The following DDX60L variants were observed in gnomAD, a reference collection of about 807,000 sequenced individuals.
The protein encoded by DDX60L is probable ATP-dependent RNA helicase DDX60-like.
Under a neutral mutation model 211.6 loss-of-function variants are expected in DDX60L, and 191 were observed. The observed-to-expected ratio is 0.90, with a 90% CI of 0.80 to 1.02. The LOEUF is 1.02. Among genes scored for constraint, DDX60L ranks in the 50% least tolerant of loss-of-function variants. DDX60L has a pLI of 0.00. For missense variants in DDX60L, 2,007 were observed against 1,984.1 expected, an observed-to-expected ratio of 1.01 and a Z score of -0.22; for synonymous variants, 706 against 694.1, an observed-to-expected ratio of 1.02 and a Z score of -0.27.
intron 26 of DDX60L, among the ~76,000 whole-genome samples, chr4:168,398,928 CACTTGATGGGATT>C (rs1270615345): frequency 3.3e-5 from 5 of 151,244 alleles, no homozygotes; most frequent in Non-Finnish European, 7.4e-5. Context: ...GAGAGCTAAG[CACTTGATGGGATT>C]ACCTGCCTGC....
intron 32 of DDX60L, 116 bp downstream of exon 32, chr4:168,379,247 T>C: frequency 2.2e-6 from 2 of 921,854 alleles, no homozygotes; most frequent in Non-Finnish European, 3.1e-6. Flanking sequence ...ATATACTTAG[T>C]ATTTATTTGC....
chr4:168,369,157 C>T (rs1385765311), intron 36 of DDX60L, among the ~76,000 whole-genome samples: 1 of 152,124 alleles, frequency 6.6e-6, no homozygotes, highest in African/African-American at 2.4e-5. Flanking sequence ...CAAATCTTAT[C>T]TTGAATTGTA....
intron 9 of DDX60L, 59 bp from the exon 10 acceptor site, chr4:168,441,551 G>A (rs1169918208): frequency 7.3e-7 from 1 of 1,367,314 alleles, no homozygotes; most frequent in African/African-American, 1.5e-5. Context: ...GACACACACA[G>A]AGCATCTTTT....
chr4:168,371,564 G>GAT, intron 36 of DDX60L, 48 bp downstream of exon 36: 1 of 1,039,422 alleles, frequency 9.6e-7, no homozygotes, highest in Non-Finnish European at 1.4e-6. Flanking sequence ...ATAAAACATA[G>GAT]ATATATATGT....
Position 168,471,855 on chromosome 4 carries a change from A to T in DDX60L, c.156T>A (p.Gly52=). The T allele has an allele frequency of 6.2e-7, 1 of 1,613,744 alleles. No homozygotes were observed. Among genetic ancestry groups the T allele is most frequent in the Non-Finnish European group, 8.5e-7 (1 of 1,179,868 alleles). ...TCTGTCCCCACTTGAATGATTTTAC[A>T]CCCAGGCATGTGACAAGCAAGGAAT... is the stretch of plus-strand genomic sequence containing the variant. ...DGDSLLVTCL[G]VKSFKWGQNL... The change falls in exon 4 of 38, where the codon GGT becomes GGA. Residue 52 remains glycine (G), a synonymous_variant. Coordinates refer to ENST00000682922, the MANE Select transcript of DDX60L (RefSeq NM_001012967.3).
chr4:168,467,504 T>C (rs1342095605), intron 4 of DDX60L, among the ~76,000 whole-genome samples: 2 of 148,342 alleles, frequency 1.3e-5, no homozygotes, highest in African/African-American at 4.9e-5. Flanking sequence ...TACAAATCTT[T>C]AGGCAATAAG....
intron 36 of DDX60L, among the ~76,000 whole-genome samples, chr4:168,367,305 C>A (rs894111664): frequency 1.3e-5 from 2 of 152,156 alleles, no homozygotes; most frequent in East Asian, 3.9e-4. Context: ...GTCTTTTCTG[C>A]ACTGTTCTTC....
intron 8 of DDX60L, 76 bp downstream of exon 8, chr4:168,453,048 A>G (rs1267456989): frequency 5.7e-6 from 8 of 1,392,708 alleles, no homozygotes; most frequent in African/African-American, 4.4e-5. Flanking sequence ...CATTATTCCA[A>G]TATAACTCTA....
chr4:168,427,371 A>G (rs370517150), intron 13 of DDX60L, 49 bp from the exon 14 acceptor site: 29 of 1,575,226 alleles, frequency 1.8e-5, no homozygotes, highest in Non-Finnish European at 2.5e-5. Context: ...AAATTCCATT[A>G]TGACATTTCA....
At chr4:168,404,777 A>T (rs1166233750) in intron 24 of DDX60L, among the ~76,000 whole-genome samples, 1 of 152,194 alleles carries the variant, frequency 6.6e-6, no homozygotes, top group Non-Finnish European at 1.5e-5. Context: ...TTACATCAGG[A>T]AAATTAACAT....
chr4:168,431,653 G>A (rs1752375313), intron 12 of DDX60L, among the ~76,000 whole-genome samples: 1 of 151,960 alleles, frequency 6.6e-6, no homozygotes, highest in South Asian at 2.1e-4. Flanking sequence ...GTATACATAT[G>A]TAACTAACCT....
At position 168,462,630 on chromosome 4, in the gene DDX60L, T is replaced by C. The variant is rs532207072; in HGVS notation, c.265-590A>G. On this transcript the variant is annotated intron_variant, in intron 4 of 37. Coordinates refer to ENST00000682922, the MANE Select transcript of DDX60L (RefSeq NM_001012967.3). ...GAGGACGAGACCAGTCTGGCCAACA[T>C]GGTGAAACCCTGTTTCTACTAAAAA... Among the ~76,000 whole-genome samples, 155 of 152,208 alleles carry C rather than the reference T, an allele frequency of 1.0e-3. No homozygotes were observed. In the Middle Eastern group the frequency reaches 0.014, roughly 13 times the overall value.
In DDX60L at chr4:168,379,747, G is replaced by A; in HGVS notation, c.4200C>T (p.Ser1400=). The change falls in exon 31 of 38, where the codon TCC becomes TCT. Residue 1400 remains serine, a synonymous_variant. Coordinates refer to ENST00000682922, the MANE Select transcript of DDX60L (RefSeq NM_001012967.3). ...ATACCTCTTTGATAAGGAGCTGCAA[G>A]GAAAACAAAAAGTAAAGTTTCAAAG... is the stretch of plus-strand genomic sequence containing the variant. The part of the protein sequence containing the change: ...METLKLYFLF[S]LQLLIKEDYL... 6.2e-7 allele frequency: 1 copy of A among 1,612,830 alleles called. No homozygotes were observed. Among genetic ancestry groups the A allele is most frequent in the Non-Finnish European group, 8.5e-7 (1 of 1,179,302 alleles).
At chr4:168,468,774 T>C in intron 4 of DDX60L, 1 of 152,202 alleles carries the variant, frequency 6.6e-6, no homozygotes, top group East Asian at 1.9e-4. Flanking sequence ...TTTAATAAGA[T>C]TGCAGGATAC....
chr4:168,472,677 A>G lies in DDX60L; in HGVS notation c.4+19T>C, dbSNP rs765077613. On this transcript the variant is annotated intron_variant, in intron 2 of 37. Transcript: ENST00000682922. ...GATTGTTGCTTTATAGGCTACAAAT[A>G]TCAAAGATTGAGAATTACCCATCGT... is the stretch of plus-strand genomic sequence containing the variant. 2 of 1,613,352 alleles carry G rather than the reference A, an allele frequency of 1.2e-6. No individual in the cohort carries two copies. Among genetic ancestry groups the G allele is most frequent in the Non-Finnish European group, 1.7e-6 (2 of 1,179,544 alleles).
At position 168,427,281 on chromosome 4, in the gene DDX60L, CTTT is replaced by C. The variant is rs752822757; in HGVS notation, c.1716_1718del (p.Lys573del). On this transcript the variant is annotated inframe_deletion, in exon 14 of 38. Transcript: ENST00000682922. ...TGTTCTGATCTTCTTTGAGAAATGA[CTTT>C]TTCTTACTCTTTTTGGTAATTTGGT... 4.6e-5 allele frequency: 74 copies of C among 1,613,628 alleles called. No individual in the cohort carries two copies. The African/African-American group carries it at 7.3e-4, about 16-fold the overall frequency.
intron 18 of DDX60L, 103 bp from the exon 19 acceptor site, chr4:168,419,500 T>G: frequency 1.5e-6 from 1 of 668,118 alleles, no homozygotes; most frequent in Middle Eastern, 2.8e-4. Context: ...GATAGCAGTT[T>G]CATTAAGATA....
intron 22 of DDX60L, among the ~76,000 whole-genome samples, chr4:168,410,462 T>C (rs767396922): frequency 1.1e-4 from 17 of 152,184 alleles, no homozygotes; most frequent in Non-Finnish European, 2.1e-4. Flanking sequence ...GGCTACAAAG[T>C]CTGAAATTTA....
intron 36 of DDX60L, among the ~76,000 whole-genome samples, chr4:168,365,106 T>G (rs1391373881): frequency 6.6e-6 from 1 of 152,022 alleles, no homozygotes; most frequent in Non-Finnish European, 1.5e-5. Flanking sequence ...AACCAAATGA[T>G]GCACCTCAAG....
Sources: allele counts gnomAD v4.1 joint callset (sites outside exome capture counted in the v4.1 genomes callset), GRCh38; gene constraint gnomAD v4.1.1; transcripts MANE v1.5; gene names NCBI Gene and HGNC (gene_info 2026-07-23, HGNC 2026-07-21).